Variants in TCEA2 observed in about 807,000 individuals in gnomAD.
The protein encoded by TCEA2 is transcription elongation factor A2.
Under a neutral mutation model 40.8 loss-of-function variants are expected in TCEA2, and 21 were observed. The observed-to-expected ratio is 0.51, with a 90% CI of 0.36 to 0.74. TCEA2 has a LOEUF of 0.74. TCEA2 is among the 30% of genes least tolerant of loss of function. The pLI is 0.00. For missense variants in TCEA2, 326 were observed against 426.5 expected, an observed-to-expected ratio of 0.76 and a Z score of 2.08; for synonymous variants, 165 against 162.7, an observed-to-expected ratio of 1.01 and a Z score of -0.11.
At chr20:64,068,023 G>A (rs2059736956) in intron 3 of TCEA2, 24 bp from the exon 4 acceptor site, 2 of 1,589,734 alleles carry the variant, frequency 1.3e-6, no homozygotes, top group East Asian at 4.6e-5. Context: ...CCCTTGATCA[G>A]CCCATCCCCG....
chr20:64,069,251 CAG>C, intron 4 of TCEA2, 108 bp from the exon 5 acceptor site: 1 of 1,432,170 alleles, frequency 7.0e-7, no homozygotes, highest in Non-Finnish European at 9.3e-7. Flanking sequence ...GTAGAACAAG[CAG>C]GGGTTGGTGG....
chr20:64,070,479 C>T lies in TCEA2; in HGVS notation c.673-10C>T, dbSNP rs573517133. On this transcript the variant is annotated splice_polypyrimidine_tract_variant and intron_variant, in intron 7 of 9. Transcript: ENST00000343484. ...GAGCGGTGGGCTAAGCCACTGGCCC[C>T]GTGCTCCAGGAGATGGCCAGTGATG... is the stretch of plus-strand genomic sequence containing the variant. The T allele has an allele frequency of 7.9e-5, 128 of 1,613,658 alleles. 1 individual carries two copies. In the East Asian group the frequency reaches 1.2e-3, roughly 16 times the overall value.
intron 9 of TCEA2, 62 bp from the exon 10 acceptor site, chr20:64,072,110 C>T: frequency 1.2e-6 from 2 of 1,608,202 alleles, no homozygotes; most frequent in Non-Finnish European, 8.5e-7. Context: ...GCCTGTGCGG[C>T]CTTCCACTCT....
At chr20:64,064,823 G>A (rs981132186) in intron 1 of TCEA2, among the ~76,000 whole-genome samples, 1 of 152,202 alleles carries the variant, frequency 6.6e-6, no homozygotes, top group Non-Finnish European at 1.5e-5. Context: ...CAAAGTAGGG[G>A]TCTGCGAACC....
At chr20:64,070,881 C>T (rs1277227081) in intron 8 of TCEA2, among the ~76,000 whole-genome samples, 1 of 152,254 alleles carries the variant, frequency 6.6e-6, no homozygotes, top group Non-Finnish European at 1.5e-5. Context: ...GTCAGAGGGC[C>T]TGGCCTGGCC....
At position 64,072,197 on chromosome 20, in the gene TCEA2, G is replaced by A. The variant is rs1214406537; in HGVS notation, c.*17G>A. 4.3e-6 allele frequency: 7 copies of A among 1,611,060 alleles called. No individual in the cohort carries two copies. The highest frequency in any genetic ancestry group is 3.3e-5 in the Admixed American group (2 of 59,840). Reference sequence around the variant, plus strand: ...TTCTGCTGACCCCTCGTGTAGATGTGCTGCAGCCTTGGGCCCTCCCCGGCC... The same window carrying A: ...TTCTGCTGACCCCTCGTGTAGATGTACTGCAGCCTTGGGCCCTCCCCGGCC... On this transcript the variant is annotated 3_prime_UTR_variant, in exon 10 of 10. Transcript: ENST00000343484.
At chr20:64,059,071 T>C (rs755004366), upstream of TCEA2, among the ~76,000 whole-genome samples, 4 of 151,844 alleles carry the variant, frequency 2.6e-5, no homozygotes, top group Admixed American at 6.6e-5. Context: ...CGCATGCCTG[T>C]AATCCCAGCT....
rs1259675493 is a variant in TCEA2, at chr20:64,066,529, C to T, written c.126C>T (p.His42=). The T allele has an allele frequency of 6.2e-7, 1 of 1,613,760 alleles. No homozygotes were observed. The highest frequency in any genetic ancestry group is 1.7e-5 in the Admixed American group (1 of 60,020). ...RELKAMPITL[H]LLQSTRVGMS... is the part of the protein sequence containing the mutation. ...TGAAGGCCATGCCTATCACGCTGCA[C>T]CTGCTCCAGGTAGGTCCCTGCCTGC... Residue 42 remains histidine (H), a synonymous_variant, in exon 2 of 10, where the codon CAC becomes CAT. Coordinates refer to ENST00000343484, the MANE Select transcript of TCEA2 (RefSeq NM_003195.6).
intron 4 of TCEA2, 35 bp from the exon 5 acceptor site, chr20:64,069,326 T>C: frequency 6.5e-7 from 1 of 1,540,452 alleles, no homozygotes; most frequent in Non-Finnish European, 8.8e-7. Context: ...CCTGCAGCCT[T>C]GAGTCTGAAC....
chr20:64,066,634 C>A, intron 2 of TCEA2, 96 bp downstream of exon 2: 2 of 1,409,752 alleles, frequency 1.4e-6, no homozygotes, highest in South Asian at 1.2e-5. Flanking sequence ...CCCACCCTCC[C>A]CACCAGGCCT....
At chr20:64,058,773 G>A (rs374083938), upstream of TCEA2, among the ~76,000 whole-genome samples, 288 of 152,336 alleles carry the variant, frequency 1.9e-3, 1 homozygote, top group African/African-American at 6.8e-3. The surrounding 1 kb of genome is among the most constrained non-coding windows in gnomAD (Gnocchi z 6.7). Flanking sequence ...CAGCAGCAGC[G>A]AGTGTGGGGG....
chr20:64,060,948 C>A (rs987435018), upstream of TCEA2, among the ~76,000 whole-genome samples: 3 of 151,842 alleles, frequency 2.0e-5, no homozygotes, highest in Admixed American at 6.6e-5. Context: ...TGCCGCCATG[C>A]CCGGCTAATT....
chr20:64,069,352 T>C lies in TCEA2; in HGVS notation c.330-9T>C. 1 of 1,571,030 alleles carries C rather than the reference T, an allele frequency of 6.4e-7. No individual in the cohort carries two copies. Among genetic ancestry groups the C allele is most frequent in the Non-Finnish European group, 8.6e-7 (1 of 1,157,474 alleles). ...GAGTCTGAACCCAGCTGGCCCTGGC[T>C]CTCTGCAGCCGCAAGAGGCCGGAGC... On this transcript the variant is annotated splice_polypyrimidine_tract_variant and intron_variant, in intron 4 of 9. Coordinates refer to ENST00000343484, the MANE Select transcript of TCEA2 (RefSeq NM_003195.6).
intron 4 of TCEA2, among the ~76,000 whole-genome samples, chr20:64,068,562 C>T (rs907132740): frequency 2.6e-5 from 4 of 152,264 alleles, no homozygotes; most frequent in South Asian, 2.1e-4. Context: ...TGCATGTGCA[C>T]GTGTGGTCAC....
intron 5 of TCEA2, 51 bp downstream of exon 5, chr20:64,069,542 G>T: frequency 6.3e-7 from 1 of 1,592,416 alleles, no homozygotes. Flanking sequence ...TCACAGGGTG[G>T]CCCGGGCCCC....
Position 64,069,494 on chromosome 20 carries a change from G to A in TCEA2, c.460+3G>A. On this transcript the variant is annotated splice_donor_region_variant and intron_variant, in intron 5 of 9. Transcript: ENST00000343484. ...GACCGCTGCCCTGCAGACGGACCGT[G>A]AGTGCGGCCGGCCCTGGCTCCTGAC... 6.2e-7 allele frequency: 1 copy of A among 1,611,936 alleles called. No homozygotes were observed. The highest frequency in any genetic ancestry group is 8.5e-7 in the Non-Finnish European group (1 of 1,179,464).
In TCEA2 at chr20:64,066,980, A is replaced by T. The variant is rs201512921; in HGVS notation, c.201A>T (p.Ala67=). 515 of 1,613,868 alleles carry T rather than the reference A, an allele frequency of 3.2e-4. 3 individuals carry two copies. In the East Asian group the frequency reaches 8.2e-3, roughly 26 times the overall value. The change falls in exon 3 of 10, where the codon GCA becomes GCT. Residue 67 remains alanine (A), a synonymous_variant. Coordinates refer to ENST00000343484, the MANE Select transcript of TCEA2 (RefSeq NM_003195.6). ...AGAGCTCGGATGAGGAGGTCATTGC[A>T]CTGGCCAAGTCTCTCATCAAGTCCT... The part of the protein sequence containing the change: ...RKQSSDEEVI[A]LAKSLIKSWK...
intron 9 of TCEA2, 100 bp from the exon 10 acceptor site, chr20:64,072,072 G>T: frequency 6.3e-7 from 1 of 1,596,168 alleles, no homozygotes; most frequent in Non-Finnish European, 8.6e-7. Flanking sequence ...TCTTGGGCAT[G>T]GTGGGTGGAG....
intron 3 of TCEA2, 97 bp from the exon 4 acceptor site, chr20:64,067,950 G>A (rs566814534): frequency 1.8e-5 from 16 of 906,458 alleles, no homozygotes; most frequent in African/African-American, 5.1e-5. Context: ...GGCTGGGGCC[G>A]TGTTGGTGGT....
Sources: allele counts gnomAD v4.1 joint callset (sites outside exome capture counted in the v4.1 genomes callset), GRCh38; gene constraint gnomAD v4.1.1; non-coding constraint Gnocchi (gnomAD v3.1); transcripts MANE v1.5; gene names NCBI Gene and HGNC (gene_info 2026-07-23, HGNC 2026-07-21).